CRHBP: variants seen among roughly 807,000 people sequenced by gnomAD.
CRHBP encodes the protein corticotropin-releasing hormone-binding protein.
A neutral mutation model predicts 34.9 loss-of-function variants in CRHBP; 19 were observed. That is an observed-to-expected ratio of 0.55 (90% CI 0.38 to 0.80). The LOEUF (loss-of-function observed/expected upper bound fraction) is 0.80. Ranked by LOEUF, CRHBP falls within the 30% of genes least tolerant of loss-of-function variation. The pLI is 0.00. For synonymous variants in CRHBP, 154 were observed against 153.4 expected (o/e 1.00, Z -0.03); for missense variants, 328 against 409.2 (o/e 0.80, Z 1.71).
chr5:76,973,981 CGTT>C (rs1360167556), downstream of CRHBP, among the ~76,000 whole-genome samples: 10 of 118,370 alleles, frequency 8.4e-5, no homozygotes, highest in Non-Finnish European at 1.7e-4. Context: ...TTTTCTAAAT[CGTT>C]ATTATTATTA....
At chr5:76,955,253 C>G (rs888715247) in intron 3 of CRHBP, among the ~76,000 whole-genome samples, 2 of 152,102 alleles carry the variant, frequency 1.3e-5, no homozygotes, top group African/African-American at 2.4e-5. Flanking sequence ...ATATTTTGTT[C>G]ACATTTCAAT....
intron 6 of CRHBP, 73 bp from the exon 7 acceptor site, chr5:76,968,655 A>G: frequency 6.7e-7 from 1 of 1,482,512 alleles, no homozygotes; most frequent in Non-Finnish European, 9.2e-7. Context: ...TGTTTAAGTG[A>G]TCCCGTCATT....
chr5:76,958,948 A>T, intron 5 of CRHBP, 59 bp downstream of exon 5: 1 of 1,571,322 alleles, frequency 6.4e-7, no homozygotes, highest in Non-Finnish European at 8.7e-7. Flanking sequence ...TCAGAGCAGA[A>T]GCAATCATAT....
chr5:76,977,798 G>A (rs2150712352), intron 3 of CRHBP, among the ~76,000 whole-genome samples: 1 of 152,320 alleles, frequency 6.6e-6, no homozygotes, highest in East Asian at 1.9e-4. Flanking sequence ...AGTGAAGAAG[G>A]CATGTTGAAA....
intron 3 of CRHBP, among the ~76,000 whole-genome samples, chr5:76,979,905 C>T (rs1473123538): frequency 6.6e-6 from 1 of 152,144 alleles, no homozygotes; most frequent in East Asian, 1.9e-4. Context: ...AACCTATCTT[C>T]ACTTTGCAGA....
intron 5 of CRHBP, among the ~76,000 whole-genome samples, chr5:76,960,337 G>C (rs6453268): frequency 0.036 from 5,544 of 152,272 alleles, 289 homozygotes; most frequent in African/African-American, 0.12. Context: ...GGGCTTGCTG[G>C]ATTCCAGACA....
rs1322885627 is a variant in CRHBP at position 76,968,777 on chromosome 5, T to C, written c.861T>C (p.Ser287=). 1.2e-6 allele frequency: 2 copies of C among 1,614,008 alleles called. No homozygotes were observed. Among genetic ancestry groups the C allele is most frequent in the East Asian group, 2.2e-5 (1 of 44,892 alleles). Residue 287 remains serine (S), a synonymous_variant, in exon 7 of 7, where the codon AGT becomes AGC. Coordinates refer to ENST00000274368, the MANE Select transcript of CRHBP (RefSeq NM_001882.4). ...ACACTGTGGTGCGCATGGTCTCCAG[T>C]GGAAAACACGTAAATCGTGTGACTT... The part of the protein sequence containing the change: ...CDNTVVRMVS[S]GKHVNRVTFE...
At chr5:76,965,604 C>T (rs548841698) in intron 6 of CRHBP, among the ~76,000 whole-genome samples, 3 of 152,246 alleles carry the variant, frequency 2.0e-5, no homozygotes, top group African/African-American at 7.2e-5. Context: ...GATTAAAGAA[C>T]AATCAGGCCT....
chr5:76,956,865 T>C (rs1745679317), intron 4 of CRHBP, among the ~76,000 whole-genome samples: 1 of 152,188 alleles, frequency 6.6e-6, no homozygotes, highest in Non-Finnish European at 1.5e-5. Context: ...TTCATGCGGC[T>C]GAAAGATGGG....
At chr5:76,955,489 T>A (rs1230692140) in intron 3 of CRHBP, among the ~76,000 whole-genome samples, 164 bp from the exon 4 acceptor site, 1 of 152,198 alleles carries the variant, frequency 6.6e-6, no homozygotes, top group African/African-American at 2.4e-5. Context: ...ACCCTCACCA[T>A]CCAATATATA....
intron 5 of CRHBP, among the ~76,000 whole-genome samples, chr5:76,960,769 T>G: frequency 7.3e-6 from 1 of 136,742 alleles, no homozygotes; most frequent in African/African-American, 2.9e-5. Flanking sequence ...TTTTTTGTTT[T>G]TTGTTTTTTT....
chr5:76,965,739 A>G (rs536284176), intron 6 of CRHBP, among the ~76,000 whole-genome samples: 1 of 152,330 alleles, frequency 6.6e-6, no homozygotes, highest in East Asian at 1.9e-4. Context: ...AACTGAAACC[A>G]CTTTTAAGAC....
chr5:76,971,466 T>C (rs1745943788), downstream of CRHBP, among the ~76,000 whole-genome samples: 1 of 152,218 alleles, frequency 6.6e-6, no homozygotes, highest in Non-Finnish European at 1.5e-5. Context: ...ATTTGCTTTG[T>C]ACGCTGAAGG....
Position 76,954,193 on chromosome 5 carries a change from C to T in CRHBP, c.333+7C>T, listed in dbSNP as rs767209029. ...GGGCGGCGACTTCCTGAAGGTGAGG[C>T]GCCCACGGCCAGCCAACCTAGCCGG... is the stretch of plus-strand genomic sequence containing the variant. On this transcript the variant is annotated splice_region_variant and intron_variant, in intron 3 of 6. Transcript: ENST00000274368. The T allele has an allele frequency of 1.9e-6, 3 of 1,610,404 alleles. No individual in the cohort carries two copies. The highest frequency in any genetic ancestry group is 1.1e-5 in the South Asian group (1 of 90,530).
intron 3 of CRHBP, 56 bp from the exon 4 acceptor site, chr5:76,955,597 T>TA: frequency 1.3e-6 from 2 of 1,532,784 alleles, no homozygotes; most frequent in Non-Finnish European, 1.8e-6. Flanking sequence ...TCAACTCATT[T>TA]CAGACTTCAG....
chr5:76,980,236 CAG>C (rs1287562474), intron 3 of CRHBP, among the ~76,000 whole-genome samples: 1 of 112,168 alleles, frequency 8.9e-6, no homozygotes, highest in Non-Finnish European at 1.7e-5. Context: ...GCCTGGGCGA[CAG>C]AGCGAGACTC....
chr5:76,968,501 C>T (rs1395129324), intron 6 of CRHBP, among the ~76,000 whole-genome samples: 1 of 152,108 alleles, frequency 6.6e-6, no homozygotes, highest in African/African-American at 2.4e-5. Context: ...AGTGTTCTTG[C>T]ACATGAGGAG....
intron 6 of CRHBP, among the ~76,000 whole-genome samples, chr5:76,968,414 T>TG (rs1253197245): frequency 6.6e-6 from 1 of 152,180 alleles, no homozygotes; most frequent in Admixed American, 6.5e-5. Flanking sequence ...TGCCTGCCTT[T>TG]ACTACTTAGG....
chr5:76,968,961 A>C lies in CRHBP; in HGVS notation c.*76A>C. ...CCATTGTGTATGATTTTGATGCACA[A>C]CTAGTTAAAAGCCTTTCATACCAGT... On this transcript the variant is annotated 3_prime_UTR_variant, in exon 7 of 7. Coordinates refer to ENST00000274368, the MANE Select transcript of CRHBP (RefSeq NM_001882.4). 6.5e-7 allele frequency: 1 copy of C among 1,535,676 alleles called. No individual in the cohort carries two copies. Among genetic ancestry groups the C allele is most frequent in the East Asian group, 2.3e-5 (1 of 44,180 alleles).
Sources: allele counts gnomAD v4.1 joint callset (sites outside exome capture counted in the v4.1 genomes callset), GRCh38; gene constraint gnomAD v4.1.1; transcripts MANE v1.5; gene names NCBI Gene and HGNC (gene_info 2026-07-23, HGNC 2026-07-21).